PRKX: variants seen among roughly 807,000 people sequenced by gnomAD.
PRKX encodes cAMP-dependent protein kinase catalytic subunit PRKX.
In PRKX, 12 loss-of-function variants were observed where a neutral mutation model predicts 22.0. That is an observed-to-expected ratio of 0.54 (90% confidence interval 0.35 to 0.88). The LOEUF (loss-of-function observed/expected upper bound fraction) is 0.88. Among genes scored for constraint, PRKX ranks in the 40% least tolerant of loss-of-function variants. The pLI is 0.01. For missense variants in PRKX, 217 were observed against 308.0 expected (o/e 0.70, Z 2.21); for synonymous variants, 134 against 137.7 (o/e 0.97, Z 0.19).
intron 1 of PRKX, among the ~76,000 whole-genome samples, chrX:3,695,330 T>A (rs1386527486): frequency 1.8e-5 from 2 of 112,368 alleles, no homozygotes; most frequent in African/African-American, 6.5e-5. Context: ...CAATATCCTC[T>A]CCAACTCTTC....
At chrX:3,627,467 CT>C (rs35486033) in intron 4 of PRKX, among the ~76,000 whole-genome samples, 8,291 of 98,355 alleles carry the variant, frequency 0.084, 341 homozygotes, top group Middle Eastern at 0.12. Flanking sequence ...AAAGGGAACT[CT>C]TTTTTTTTTT....
chrX:3,651,866 G>A (rs777716250), intron 3 of PRKX, among the ~76,000 whole-genome samples: 8 of 112,015 alleles, frequency 7.1e-5, no homozygotes, highest in African/African-American at 2.3e-4. Flanking sequence ...GTCTACCAAG[G>A]AACGGATGTC....
intron 1 of PRKX, among the ~76,000 whole-genome samples, chrX:3,690,659 G>GA (rs1928305321): frequency 8.9e-6 from 1 of 111,979 alleles, no homozygotes; most frequent in African/African-American, 3.2e-5. Context: ...TTGAGCCTGG[G>GA]GGCGGGGGTT....
At chrX:3,653,597 T>A (rs746178497) in intron 3 of PRKX, among the ~76,000 whole-genome samples, 74 of 88,085 alleles carry the variant, frequency 8.4e-4, no homozygotes, top group African/African-American at 2.7e-3. Flanking sequence ...CTATATATAT[T>A]ATATACTATG....
intron 2 of PRKX, among the ~76,000 whole-genome samples, chrX:3,669,034 G>C (rs1300789691): frequency 8.9e-6 from 1 of 112,130 alleles, no homozygotes; most frequent in African/African-American, 3.2e-5. Flanking sequence ...CAGTGCACAG[G>C]GCGGTTCCAC....
At chrX:3,688,491 T>C (rs1040194205) in intron 1 of PRKX, among the ~76,000 whole-genome samples, 3 of 102,818 alleles carry the variant, frequency 2.9e-5, no homozygotes, top group Non-Finnish European at 6.1e-5. Context: ...ACAGCCCCCA[T>C]CCATCTTGTC....
chrX:3,666,581 G>A (rs1334179391), intron 2 of PRKX, among the ~76,000 whole-genome samples: 2 of 111,632 alleles, frequency 1.8e-5, no homozygotes, highest in Admixed American at 9.5e-5. Flanking sequence ...GAACAGCCTG[G>A]GCAACAAAGC....
chrX:3,638,726 G>A (rs1236970964), intron 4 of PRKX, among the ~76,000 whole-genome samples: 1 of 110,832 alleles, frequency 9.0e-6, no homozygotes, highest in Non-Finnish European at 1.9e-5. Flanking sequence ...AGAGGGATAG[G>A]TAGGTAAGTA....
chrX:3,620,436 C>T (rs754206064), intron 6 of PRKX, among the ~76,000 whole-genome samples: 1 of 112,157 alleles, frequency 8.9e-6, no homozygotes, highest in South Asian at 3.7e-4. Context: ...TAGGGGTCCC[C>T]AGCCCCTGGG....
chrX:3,705,097 C>T (rs1928655603), intron 1 of PRKX, among the ~76,000 whole-genome samples: 1 of 111,712 alleles, frequency 9.0e-6, no homozygotes, highest in Admixed American at 9.5e-5. Context: ...TTTCGGCTGC[C>T]ATCACAAAAC....
At chrX:3,647,416 TATA>T (rs1437850270) in intron 3 of PRKX, among the ~76,000 whole-genome samples, 1 of 105,836 alleles carries the variant, frequency 9.4e-6, no homozygotes, top group Non-Finnish European at 1.9e-5. Context: ...ATTTTTTAAA[TATA>T]ATTATGTTTA....
chrX:3,690,501 G>C (rs770115388), intron 1 of PRKX, among the ~76,000 whole-genome samples: 8 of 112,498 alleles, frequency 7.1e-5, no homozygotes, highest in Non-Finnish European at 1.1e-4. Context: ...GGAAGCCAAG[G>C]TGGGCGGATC....
chrX:3,702,396 G>C (rs1349356812), intron 1 of PRKX, among the ~76,000 whole-genome samples: 3 of 112,964 alleles, frequency 2.7e-5, no homozygotes, highest in African/African-American at 9.6e-5. Context: ...AGTTGTCAAC[G>C]ATTTTAAAAG....
At chrX:3,650,715 C>A (rs1703215540) in intron 3 of PRKX, among the ~76,000 whole-genome samples, 1 of 105,977 alleles carries the variant, frequency 9.4e-6, no homozygotes, top group Non-Finnish European at 1.9e-5. Flanking sequence ...CAGGTCTCTA[C>A]TAAAAATACA....
At chrX:3,677,357 C>G (rs1603474459) in intron 1 of PRKX, among the ~76,000 whole-genome samples, 1 of 91,971 alleles carries the variant, frequency 1.1e-5, no homozygotes, top group Non-Finnish European at 2.1e-5. Flanking sequence ...GAGACAGGGT[C>G]TCTCTCTGTT....
chrX:3,618,136 G>A (rs1227087895), intron 6 of PRKX, among the ~76,000 whole-genome samples: 1 of 109,218 alleles, frequency 9.2e-6, no homozygotes, highest in Non-Finnish European at 1.9e-5. Flanking sequence ...ACTTACATGG[G>A]AAATCTAAAA....
intron 2 of PRKX, among the ~76,000 whole-genome samples, chrX:3,656,644 G>A (rs1325181138): frequency 9.0e-6 from 1 of 111,337 alleles, no homozygotes; most frequent in Non-Finnish European, 1.9e-5. Context: ...CATATAGAAA[G>A]GTGTAATTCA....
chrX:3,612,238 C>T lies in PRKX; in HGVS notation c.1039G>A (p.Val347Met), dbSNP rs1300882534. 10 of 1,206,984 alleles carry T rather than the reference C, an allele frequency of 8.3e-6. No homozygotes were observed. The highest frequency in any genetic ancestry group is 2.2e-5 in the Admixed American group (1 of 45,274). ...PENDWDTAAP[V>M]PQKDLEIFKN... ...AAGATTTCTAAATCCTTCTGCGGCA[C>T]GGGCGCGGCTGTGTCCCAGTCATTC... The change falls in exon 8 of 9, where the codon GTG becomes ATG. Residue 347 changes from valine to methionine, a missense_variant. By Grantham distance (21) the Val-to-Met change is conservative. Coordinates refer to ENST00000262848, the MANE Select transcript of PRKX (RefSeq NM_005044.5).
At chrX:3,701,360 C>T (rs1445973303) in intron 1 of PRKX, among the ~76,000 whole-genome samples, 2 of 112,408 alleles carry the variant, frequency 1.8e-5, no homozygotes, top group Admixed American at 9.5e-5. Context: ...CCCTCCTTGA[C>T]CTCCCAAAGC....
Sources: allele counts gnomAD v4.1 joint callset (sites outside exome capture counted in the v4.1 genomes callset), GRCh38; gene constraint gnomAD v4.1.1; transcripts MANE v1.5; gene names NCBI Gene and HGNC (gene_info 2026-07-23, HGNC 2026-07-21).